Variants in SLC7A2 observed in about 807,000 individuals in gnomAD.
The protein encoded by SLC7A2 is cationic amino acid transporter 2.
A neutral mutation model predicts 58.9 loss-of-function variants in SLC7A2; 48 were observed. The observed-to-expected ratio is 0.82, with a 90% CI of 0.65 to 1.04. The LOEUF (loss-of-function observed/expected upper bound fraction) is 1.04, where lower values mean the gene tolerates loss of function less well. Ranked by LOEUF, SLC7A2 falls within the 50% of genes least tolerant of loss-of-function variation. The pLI is 0.00. For synonymous variants in SLC7A2, 363 were observed against 314.5 expected, an observed-to-expected ratio of 1.15 and a Z score of -1.63; for missense variants, 1,029 against 818.8, an observed-to-expected ratio of 1.26 and a Z score of -3.13.
At chr8:17,511,331 G>T (rs1333212540) in intron 2 of SLC7A2, 3 of 152,180 alleles carry the variant, frequency 2.0e-5, no homozygotes, top group Admixed American at 6.5e-5. Flanking sequence ...TAGTCCTGCA[G>T]CGTTGATGTT....
chr8:17,502,617 T>C (rs1455453355), intron 2 of SLC7A2, among the ~76,000 whole-genome samples: 1 of 152,212 alleles, frequency 6.6e-6, no homozygotes. Context: ...TGAATGTACC[T>C]TTTAGAAAAT....
At position 17,556,756 on chromosome 8, in the gene SLC7A2, G is replaced by A. The variant is rs11203871; in HGVS notation, c.1196-1539G>A. On this transcript the variant is annotated intron_variant, in intron 8 of 12. Transcript: ENST00000494857. ...CCTGAGTAGCTCTGATTACAGTCAC[G>A]TGCCACCACGCCCAGCTGATTTTTG... 2.9e-3 allele frequency among the ~76,000 whole-genome samples: 439 copies of A among 151,954 alleles called. 2 individuals carry two copies. Among genetic ancestry groups the A allele is most frequent in the African/African-American group, 0.01 (418 of 41,468 alleles).
intron 1 of SLC7A2, among the ~76,000 whole-genome samples, chr8:17,497,825 T>A (rs1002512858): frequency 5.3e-5 from 8 of 152,176 alleles, no homozygotes; most frequent in Admixed American, 2.6e-4. Context: ...AGTAACTGGG[T>A]GCCTTTTAAA....
intron 2 of SLC7A2, among the ~76,000 whole-genome samples, chr8:17,518,641 A>AACAC (rs33941952): frequency 6.6e-6 from 1 of 151,986 alleles, no homozygotes; most frequent in South Asian, 2.1e-4. Flanking sequence ...CCATTAGCAA[A>AACAC]AGACAAACAA....
intron 2 of SLC7A2, among the ~76,000 whole-genome samples, chr8:17,538,336 A>G (rs1050806505): frequency 6.6e-6 from 1 of 152,214 alleles, no homozygotes; most frequent in Admixed American, 6.5e-5. Flanking sequence ...AGAAGACTTG[A>G]TTTGGAGAAA....
chr8:17,552,065 G>A, intron 7 of SLC7A2, 79 bp downstream of exon 7: 1 of 1,066,540 alleles, frequency 9.4e-7, no homozygotes, highest in Non-Finnish European at 1.4e-6. Context: ...GCTTTTGTCT[G>A]TTTAAAAAGT....
At chr8:17,561,819 C>A (rs1375184307) in intron 10 of SLC7A2, 125 bp from the exon 11 acceptor site, 2 of 844,182 alleles carry the variant, frequency 2.4e-6, no homozygotes, top group Non-Finnish European at 3.7e-6. Context: ...AAGGCGAAGA[C>A]TCTTTGTATT....
upstream of SLC7A2, among the ~76,000 whole-genome samples, chr8:17,494,537 T>C (rs564983456): frequency 2.9e-4 from 44 of 152,324 alleles, no homozygotes; most frequent in Non-Finnish European, 4.7e-4. Context: ...AAGATGCTAA[T>C]TCAACCCCGG....
upstream of SLC7A2, among the ~76,000 whole-genome samples, chr8:17,496,837 T>G (rs185969216): frequency 6.6e-6 from 1 of 152,030 alleles, no homozygotes; most frequent in Non-Finnish European, 1.5e-5. Flanking sequence ...GCGCGCAGCC[T>G]CTCTTCCCCG....
intron 2 of SLC7A2, among the ~76,000 whole-genome samples, chr8:17,529,250 C>T (rs758794822): frequency 9.2e-5 from 14 of 152,300 alleles, no homozygotes; most frequent in East Asian, 3.9e-4. Context: ...CTTAACCACA[C>T]GTCTTGTGTA....
intron 8 of SLC7A2, among the ~76,000 whole-genome samples, chr8:17,556,705 T>C (rs1193116053): frequency 6.6e-6 from 1 of 150,980 alleles, no homozygotes; most frequent in African/African-American, 2.4e-5. Flanking sequence ...ACCTCCCGAG[T>C]TCAAGCAATT....
upstream of SLC7A2, among the ~76,000 whole-genome samples, chr8:17,496,001 A>G (rs1342890921): frequency 1.3e-5 from 2 of 152,250 alleles, no homozygotes; most frequent in South Asian, 2.1e-4. Context: ...TTAGAATATC[A>G]CATTAAAATT....
rs1295864786 is a variant in SLC7A2 at position 17,570,102 on chromosome 8, G to T, written c.*4956G>T. Reference sequence around the variant, plus strand: ...GCTGAATCCTGAAGTAGCATAGTGGGACCTGGTCTACAATTTATGCACATG... The same window carrying T: ...GCTGAATCCTGAAGTAGCATAGTGGTACCTGGTCTACAATTTATGCACATG... On this transcript the variant is annotated 3_prime_UTR_variant, in exon 13 of 13. Coordinates refer to ENST00000494857, the MANE Select transcript of SLC7A2 (RefSeq NM_001370338.1). 1 of 152,138 alleles carries T rather than the reference G, an allele frequency of 6.6e-6. No individual in the cohort carries two copies. Among genetic ancestry groups the T allele is most frequent in the East Asian group, 1.9e-4 (1 of 5,192 alleles). The allele number at this position is 152,138 out of a possible 1,614,324, so 9.4% of individuals were successfully genotyped here. A position where few individuals can be genotyped will look rare whatever the true frequency, so the allele number is the denominator to read the frequency against.
chr8:17,512,939 T>TC (rs760550343), intron 2 of SLC7A2, among the ~76,000 whole-genome samples: 15 of 152,238 alleles, frequency 9.9e-5, no homozygotes, highest in Non-Finnish European at 2.1e-4. Flanking sequence ...TTCTCGAGGT[T>TC]CATCCGTGTT....
At chr8:17,506,953 T>TA (rs1191984010) in intron 2 of SLC7A2, among the ~76,000 whole-genome samples, 1 of 151,548 alleles carries the variant, frequency 6.6e-6, no homozygotes, top group African/African-American at 2.4e-5. Flanking sequence ...GGAATTTTTT[T>TA]TTTTTTTTTT....
At chr8:17,504,678 T>G (rs1234561979) in intron 2 of SLC7A2, among the ~76,000 whole-genome samples, 1 of 152,204 alleles carries the variant, frequency 6.6e-6, no homozygotes, top group Non-Finnish European at 1.5e-5. Flanking sequence ...TTTGGAGAAG[T>G]TAAAGGTCAT....
chr8:17,558,870 T>G (rs1802830696), intron 9 of SLC7A2, among the ~76,000 whole-genome samples: 1 of 152,200 alleles, frequency 6.6e-6, no homozygotes, highest in Admixed American at 6.5e-5. Context: ...TAAAATGGTA[T>G]TAATTTTATG....
chr8:17,554,629 A>G lies in SLC7A2; in HGVS notation c.1125A>G (p.Lys375=). The change falls in exon 8 of 13, where the codon AAA becomes AAG. Residue 375 remains lysine (K), a synonymous_variant. Transcript: ENST00000494857. ...YAMAEDGLLF[K]CLAQINSKTK... Reference sequence around the variant, plus strand: ...TGGCGGAGGATGGGTTGCTTTTCAAATGTCTAGCTCAAATCAATTCCAAAA... The same window carrying G: ...TGGCGGAGGATGGGTTGCTTTTCAAGTGTCTAGCTCAAATCAATTCCAAAA... The G allele has an allele frequency of 1.2e-6, 2 of 1,613,550 alleles. No individual in the cohort carries two copies. Among genetic ancestry groups the G allele is most frequent in the Non-Finnish European group, 1.7e-6 (2 of 1,179,866 alleles).
At position 17,545,403 on chromosome 8, in the gene SLC7A2, C is replaced by CTTTTTTTTT. The variant is rs386412194; in HGVS notation, c.532+814_532+822dup. On this transcript the variant is annotated intron_variant, in intron 4 of 12. Transcript: ENST00000494857. ...TTTGTTTTAACTATTTGAACATTTT[C>CTTTTTTTTT]TTTTTTTTTTTTTTTTTTTTTTTTT... 5.6e-4 allele frequency among the ~76,000 whole-genome samples: 36 copies of CTTTTTTTTT among 64,278 alleles called. 1 individual carries two copies. Among genetic ancestry groups the CTTTTTTTTT allele is most frequent in the African/African-American group, 1.7e-3 (24 of 14,310 alleles). 42.2% of individuals were successfully genotyped at this position (64,278 alleles called of 152,430 possible).
Sources: gnomAD v4.1 joint callset for allele counts (sites outside exome capture counted in the v4.1 genomes callset) on GRCh38, gnomAD v4.1.1 for gene constraint, MANE v1.5 for transcripts, NCBI Gene and HGNC (gene_info 2026-07-23, HGNC 2026-07-21) for gene names.